CNTNAP2: variants seen among roughly 807,000 people sequenced by gnomAD.
CNTNAP2 encodes contactin associated protein 2.
Under a neutral mutation model 155.2 loss-of-function variants are expected in CNTNAP2, and 98 were observed. The ratio of observed to expected loss-of-function variants is 0.63; its 90% CI spans 0.54 to 0.75. The LOEUF (loss-of-function observed/expected upper bound fraction) is 0.75. CNTNAP2 is among the 30% of genes least tolerant of loss of function. The pLI, the probability that CNTNAP2 is intolerant of heterozygous loss-of-function variation, is 0.00. For missense variants in CNTNAP2, 1,727 were observed against 1,688.1 expected, an observed-to-expected ratio of 1.02 and a Z score of -0.40; for synonymous variants, 651 against 631.2, an observed-to-expected ratio of 1.03 and a Z score of -0.47.
intron 15 of CNTNAP2, among the ~76,000 whole-genome samples, chr7:148,046,025 C>A (rs1802768250): frequency 6.6e-6 from 1 of 152,172 alleles, no homozygotes; most frequent in Non-Finnish European, 1.5e-5. Flanking sequence ...CATTGCTGGG[C>A]AAGACCTTTT....
At chr7:147,182,999 A>T (rs1802495330) in intron 8 of CNTNAP2, among the ~76,000 whole-genome samples, 1 of 152,194 alleles carries the variant, frequency 6.6e-6, no homozygotes, top group South Asian at 2.1e-4. Flanking sequence ...GTCATCAATG[A>T]TTCATTTTAA....
chr7:148,374,843 CT>C (rs1212208937), intron 21 of CNTNAP2, among the ~76,000 whole-genome samples: 1 of 152,174 alleles, frequency 6.6e-6, no homozygotes, highest in Non-Finnish European at 1.5e-5. Flanking sequence ...CTTCAATTTA[CT>C]GGGATTCGAA....
At chr7:146,989,332 G>A (rs1798168720) in intron 3 of CNTNAP2, among the ~76,000 whole-genome samples, 1 of 152,110 alleles carries the variant, frequency 6.6e-6, no homozygotes, top group African/African-American at 2.4e-5. Flanking sequence ...GGCCTGTGTT[G>A]GGGTGATGGG....
chr7:148,148,205 C>T (rs1236587524), intron 17 of CNTNAP2, among the ~76,000 whole-genome samples: 1 of 152,064 alleles, frequency 6.6e-6, no homozygotes, highest in African/African-American at 2.4e-5. Context: ...AAGATTTAGA[C>T]TTTTCCTGAC....
At chr7:148,285,724 T>G (rs1224237699) in intron 21 of CNTNAP2, among the ~76,000 whole-genome samples, 1 of 152,234 alleles carries the variant, frequency 6.6e-6, no homozygotes, top group Non-Finnish European at 1.5e-5. Context: ...CCAGGGTGGG[T>G]CTTTCTGTGC....
chr7:146,185,760 T>TC (rs35969801), intron 1 of CNTNAP2, among the ~76,000 whole-genome samples: 25,958 of 142,400 alleles, frequency 0.18, 2,825 homozygotes, highest in African/African-American at 0.29. Flanking sequence ...TTTTTATTAT[T>TC]CTTTTTTTTT....
chr7:148,353,530 A>C (rs1348404627), intron 21 of CNTNAP2, among the ~76,000 whole-genome samples: 1 of 152,206 alleles, frequency 6.6e-6, no homozygotes, highest in Non-Finnish European at 1.5e-5. Flanking sequence ...GCACAATGCT[A>C]TCTTGGTCTA....
chr7:147,393,088 C>A (rs73475241), intron 9 of CNTNAP2, among the ~76,000 whole-genome samples: 1,899 of 152,006 alleles, frequency 0.012, 47 homozygotes, highest in African/African-American at 0.044. Flanking sequence ...CTATTGTTCA[C>A]AGAAGTCAGG....
chr7:146,226,916 A>G (rs142917960), intron 1 of CNTNAP2, among the ~76,000 whole-genome samples: 114 of 152,280 alleles, frequency 7.5e-4, no homozygotes, highest in African/African-American at 2.5e-3. Flanking sequence ...ACACTTCATT[A>G]CTTTAAGAAA....
intron 12 of CNTNAP2, among the ~76,000 whole-genome samples, chr7:147,624,797 T>C (rs190506491): frequency 3.8e-4 from 58 of 152,264 alleles, no homozygotes; most frequent in Admixed American, 1.0e-3. Context: ...GGAAGAAATA[T>C]CTTTACTCTC....
intron 5 of CNTNAP2, among the ~76,000 whole-genome samples, chr7:147,110,914 T>C (rs1800864302): frequency 6.6e-6 from 1 of 152,224 alleles, no homozygotes; most frequent in Non-Finnish European, 1.5e-5. Flanking sequence ...CTGGGTCAAA[T>C]GGTATTTCTG....
At chr7:146,994,674 T>C (rs1047729858) in intron 3 of CNTNAP2, among the ~76,000 whole-genome samples, 5 of 152,098 alleles carry the variant, frequency 3.3e-5, no homozygotes, top group African/African-American at 1.2e-4. Context: ...AAATACTCAA[T>C]TGTAAAATGG....
chr7:146,827,432 A>G (rs1393193018), intron 2 of CNTNAP2, among the ~76,000 whole-genome samples: 1 of 151,744 alleles, frequency 6.6e-6, no homozygotes, highest in African/African-American at 2.4e-5. Context: ...TTTGTAGTCT[A>G]TATACTTACT....
intron 8 of CNTNAP2, among the ~76,000 whole-genome samples, chr7:147,181,818 A>G (rs1246301865): frequency 2.6e-5 from 4 of 152,126 alleles, no homozygotes; most frequent in Non-Finnish European, 5.9e-5. Flanking sequence ...TAATTACTGA[A>G]GCCATATATG....
At chr7:146,815,926 C>T (rs564258412) in intron 2 of CNTNAP2, among the ~76,000 whole-genome samples, 145 of 152,242 alleles carry the variant, frequency 9.5e-4, no homozygotes, top group Non-Finnish European at 1.6e-3. Context: ...AACCCCACAA[C>T]GGGCCCTGAT....
chr7:147,284,975 G>C (rs980503660), intron 8 of CNTNAP2, among the ~76,000 whole-genome samples: 2 of 151,826 alleles, frequency 1.3e-5, no homozygotes, highest in Non-Finnish European at 2.9e-5. Flanking sequence ...CCTGTAAAAG[G>C]TAAGCACTGA....
intron 17 of CNTNAP2, among the ~76,000 whole-genome samples, chr7:148,162,375 C>A (rs1805564337): frequency 6.6e-6 from 1 of 152,100 alleles, no homozygotes; most frequent in Non-Finnish European, 1.5e-5. Context: ...AAATTTGGAT[C>A]CAACTAGAAA....
intron 10 of CNTNAP2, among the ~76,000 whole-genome samples, chr7:147,421,613 G>GTGTGTGTGTGTGTGTGTA (rs938813394): frequency 3.8e-4 from 57 of 151,028 alleles, no homozygotes; most frequent in African/African-American, 1.4e-3. Flanking sequence ...GTGTGTGTGT[G>GTGTGTGTGTGTGTGTGTA]TATGCTGAGA....
intron 9 of CNTNAP2, among the ~76,000 whole-genome samples, chr7:147,341,782 A>G (rs1795768719): frequency 6.6e-6 from 1 of 151,620 alleles, no homozygotes; most frequent in African/African-American, 2.4e-5. Context: ...ACACACACAC[A>G]CACACACACA....
Sources: allele counts gnomAD v4.1 joint callset (sites outside exome capture counted in the v4.1 genomes callset), GRCh38; gene constraint gnomAD v4.1.1; transcripts MANE v1.5; gene names NCBI Gene and HGNC (gene_info 2026-07-23, HGNC 2026-07-21).